The following ESRRG variants were observed in gnomAD, a reference collection of about 807,000 sequenced individuals.
The protein encoded by ESRRG is estrogen-related receptor gamma.
ESRRG carries 13 observed loss-of-function variants against 44.0 expected under a neutral mutation model. The ratio of observed to expected loss-of-function variants is 0.30; its 90% confidence interval spans 0.19 to 0.47. The LOEUF is 0.47. Ranked by LOEUF, ESRRG falls within the 20% of genes least tolerant of loss-of-function variation. ESRRG has a pLI of 1.00. For synonymous variants in ESRRG, 215 were observed against 214.6 expected (o/e 1.00, Z -0.02); for missense variants, 395 against 580.6 (o/e 0.68, Z 3.29).
At chr1:216,856,815 T>C (rs2095949979) in intron 2 of ESRRG, among the ~76,000 whole-genome samples, 2 of 152,194 alleles carry the variant, frequency 1.3e-5, no homozygotes, top group African/African-American at 4.8e-5. Flanking sequence ...TAAGACCCAG[T>C]TAAGAAGCCT....
intron 1 of ESRRG, among the ~76,000 whole-genome samples, chr1:216,708,597 C>T (rs920428857): frequency 5.3e-5 from 8 of 152,138 alleles, no homozygotes; most frequent in African/African-American, 1.2e-4. Context: ...GAAATAGGAA[C>T]GCTTTTACAC....
intron 1 of ESRRG, among the ~76,000 whole-genome samples, chr1:217,006,337 A>C (rs1231506815): frequency 6.6e-6 from 1 of 152,146 alleles, no homozygotes; most frequent in African/African-American, 2.4e-5. Flanking sequence ...CAACATATAC[A>C]ACTTTAATTC....
intron 5 of ESRRG, among the ~76,000 whole-genome samples, chr1:216,552,623 G>A (rs2056656639): frequency 6.6e-6 from 1 of 152,128 alleles, no homozygotes; most frequent in South Asian, 2.1e-4. Flanking sequence ...ATGGGATGTG[G>A]CAATACCAAG....
chr1:216,540,184 C>G (rs2052286319), intron 5 of ESRRG, among the ~76,000 whole-genome samples: 2 of 151,896 alleles, frequency 1.3e-5, no homozygotes, highest in Admixed American at 6.6e-5. Flanking sequence ...AATTCATATA[C>G]TGTTATTAAT....
At chr1:217,037,391 C>T (rs554239793) in intron 1 of ESRRG, among the ~76,000 whole-genome samples, 3 of 152,298 alleles carry the variant, frequency 2.0e-5, no homozygotes, top group South Asian at 2.1e-4. Context: ...GAGCAAGTCA[C>T]ATCTTACGTG....
At chr1:217,111,260 T>G (rs2092658874) in intron 1 of ESRRG, among the ~76,000 whole-genome samples, 1 of 152,112 alleles carries the variant, frequency 6.6e-6, no homozygotes, top group Non-Finnish European at 1.5e-5. Flanking sequence ...GGTATGAGCT[T>G]AGGAGCTCAC....
At chr1:216,847,742 G>A (rs1005355037) in intron 2 of ESRRG, among the ~76,000 whole-genome samples, 1 of 152,160 alleles carries the variant, frequency 6.6e-6, no homozygotes, top group East Asian at 1.9e-4. Context: ...TTCATTCATG[G>A]CCTATTATCA....
chr1:216,528,565 G>A (rs776662869), intron 5 of ESRRG, among the ~76,000 whole-genome samples: 1 of 152,112 alleles, frequency 6.6e-6, no homozygotes, highest in Non-Finnish European at 1.5e-5. Flanking sequence ...TACTAACCTA[G>A]TGAAGTCATG....
chr1:216,849,364 G>T (rs151033287), intron 2 of ESRRG, among the ~76,000 whole-genome samples: 1 of 152,026 alleles, frequency 6.6e-6, no homozygotes, highest in Non-Finnish European at 1.5e-5. Flanking sequence ...ACTGGAATTC[G>T]TCACATGAAC....
At chr1:217,012,631 C>T (rs2078795046) in intron 1 of ESRRG, among the ~76,000 whole-genome samples, 1 of 152,206 alleles carries the variant, frequency 6.6e-6, no homozygotes, top group African/African-American at 2.4e-5. Context: ...TCCGTCCTTT[C>T]CTTCCACAGG....
At chr1:216,846,295 GC>G (rs1357290045) in intron 2 of ESRRG, among the ~76,000 whole-genome samples, 1 of 152,008 alleles carries the variant, frequency 6.6e-6, no homozygotes, top group Non-Finnish European at 1.5e-5. Context: ...GGGATTTATT[GC>G]CATTTAGTTA....
intron 2 of ESRRG, among the ~76,000 whole-genome samples, chr1:216,790,593 A>G (rs768655086): frequency 6.6e-6 from 1 of 152,198 alleles, no homozygotes; most frequent in Non-Finnish European, 1.5e-5. Flanking sequence ...GGAAAAAATC[A>G]TGGTGTAAGA....
At chr1:216,591,180 C>G (rs2057603289) in intron 3 of ESRRG, among the ~76,000 whole-genome samples, 1 of 152,196 alleles carries the variant, frequency 6.6e-6, no homozygotes, top group Non-Finnish European at 1.5e-5. Context: ...CAGCCACACT[C>G]CCATCAACTT....
At chr1:217,136,317 G>C (rs2093048717) in intron 1 of ESRRG, among the ~76,000 whole-genome samples, 1 of 152,246 alleles carries the variant, frequency 6.6e-6, no homozygotes, top group African/African-American at 2.4e-5. Context: ...CAGAATTTTA[G>C]ATGGAAGTGC....
At chr1:216,566,608 T>C (rs1479831586) in intron 4 of ESRRG, among the ~76,000 whole-genome samples, 1 of 152,232 alleles carries the variant, frequency 6.6e-6, no homozygotes, top group Non-Finnish European at 1.5e-5. Flanking sequence ...AAATGGGCAG[T>C]CTGTATATTA....
intron 3 of ESRRG, among the ~76,000 whole-genome samples, chr1:216,627,771 A>G (rs74542012): frequency 0.017 from 2,573 of 152,240 alleles, 77 homozygotes; most frequent in African/African-American, 0.058. Context: ...CTTAATGTAA[A>G]TTATTTGATA....
chr1:217,028,741 G>T (rs2081580547), intron 1 of ESRRG, among the ~76,000 whole-genome samples: 1 of 152,156 alleles, frequency 6.6e-6, no homozygotes, highest in African/African-American at 2.4e-5. Flanking sequence ...TTGTGCATGG[G>T]TTATATGCCT....
At chr1:216,958,848 C>T (rs906723745) in intron 1 of ESRRG, among the ~76,000 whole-genome samples, 2 of 152,118 alleles carry the variant, frequency 1.3e-5, no homozygotes, top group African/African-American at 4.8e-5. Context: ...CTCCTGTTCC[C>T]TCTGCAGGGA....
intron 6 of ESRRG, among the ~76,000 whole-genome samples, chr1:216,518,432 G>A (rs1457145169): frequency 6.6e-6 from 1 of 152,142 alleles, no homozygotes; most frequent in African/African-American, 2.4e-5. Context: ...ATCAGAGCAC[G>A]TTATTGACAC....
Sources: allele counts gnomAD v4.1 joint callset (sites outside exome capture counted in the v4.1 genomes callset), GRCh38; gene constraint gnomAD v4.1.1; transcripts MANE v1.5; gene names NCBI Gene and HGNC (gene_info 2026-07-23, HGNC 2026-07-21).